The following GOLGA8A variants were observed in gnomAD, a reference collection of about 807,000 sequenced individuals.
GOLGA8A encodes the protein golgin A8 family member A, also known as golgin subfamily A member 8A.
In GOLGA8A, 3 loss-of-function variants were observed where a neutral mutation model predicts 22.1. The ratio of observed to expected loss-of-function variants is 0.14; its 90% CI spans 0.06 to 0.35. GOLGA8A has a LOEUF of 0.35. Ranked by LOEUF, GOLGA8A falls within the 10% of genes least tolerant of loss-of-function variation. GOLGA8A has a pLI of 1.00. For missense variants in GOLGA8A, 16 were observed against 233.2 expected (o/e 0.07, Z 6.07); for synonymous variants, 7 against 91.7 (o/e 0.08, Z 5.28).
intron 2 of GOLGA8A, among the ~76,000 whole-genome samples, chr15:34,424,043 C>T (rs1417954175): frequency 6.8e-6 from 1 of 148,104 alleles, no homozygotes; most frequent in Non-Finnish European, 1.5e-5. Flanking sequence ...TGAGGCCAAG[C>T]AGCAGAGAAA....
rs1455390981 is a variant in GOLGA8A, at chr15:34,379,746, A to T, written c.*1665T>A. 1.3e-5 allele frequency: 2 copies of T among 152,644 alleles called. No homozygotes were observed. The highest frequency in any genetic ancestry group is 4.8e-5 in the African/African-American group (2 of 41,466). The allele number at this position is 152,644 out of a possible 1,614,324, so 9.5% of individuals were successfully genotyped here. On this transcript the variant is annotated 3_prime_UTR_variant, in exon 25 of 25. Coordinates refer to ENST00000359187, the MANE Select transcript of GOLGA8A (RefSeq NM_181077.5). ...ACCTAATAATGTGATGTGTTTTGGA[A>T]CACAGACATTAGAACTTCATGAAGT...
rs962860700 is a variant in GOLGA8A, at chr15:34,435,071, A to G, written c.-1123+312T>C. The stretch of plus-strand genomic sequence containing the variant: ...AGTAAAGGTTTCTCCAAGACTTCAG[A>G]CGACGGTGTCACCTGAGGCCCTCAC... On this transcript the variant is annotated intron_variant, in intron 2 of 24. Coordinates refer to ENST00000359187, the MANE Select transcript of GOLGA8A (RefSeq NM_181077.5). Among the ~76,000 whole-genome samples, 10 of 149,454 alleles carry G rather than the reference A, an allele frequency of 6.7e-5. 2 individuals carry two copies. The highest frequency in any genetic ancestry group is 6.1e-4 in the Admixed American group (9 of 14,822).
At chr15:34,400,602 TCCTA>T (rs1459941790) in intron 6 of GOLGA8A, 106 bp downstream of exon 6, 2 of 137,334 alleles carry the variant, frequency 1.5e-5, no homozygotes, top group African/African-American at 5.1e-5. Context: ...GAAGATACCT[TCCTA>T]GTTTTTTTGT....
At position 34,434,640 on chromosome 15, in the gene GOLGA8A, A is replaced by T. The variant is rs1297141530; in HGVS notation, c.-1123+743T>A. Among the ~76,000 whole-genome samples the T allele has an allele frequency of 2.7e-5, 4 of 149,028 alleles. 1 individual carries two copies. Among genetic ancestry groups the T allele is most frequent in the African/African-American group, 5.0e-5 (2 of 40,378 alleles). On this transcript the variant is annotated intron_variant, in intron 2 of 24. Transcript: ENST00000359187. ...CTCTGGGAAAGGAAGGAGCCAGAGA[A>T]GTCTCCCTGTGGGCGCTCGGGCCAA...
At position 34,429,639 on chromosome 15, in the gene GOLGA8A, C is replaced by T. The variant is rs1352962236; in HGVS notation, c.-1123+5744G>A. On this transcript the variant is annotated intron_variant, in intron 2 of 24. Transcript: ENST00000359187. Reference sequence around the variant, plus strand: ...CATTCTCCAGCAACCCCTTCCATGCCCTTCCTCCTGATCCCACCCAGCTCT... The same window carrying T: ...CATTCTCCAGCAACCCCTTCCATGCTCTTCCTCCTGATCCCACCCAGCTCT... Among the ~76,000 whole-genome samples the T allele has an allele frequency of 4.0e-5, 6 of 148,720 alleles. 1 individual carries two copies. The highest frequency in any genetic ancestry group is 1.5e-4 in the African/African-American group (6 of 40,320).
rs549720050 is a variant in GOLGA8A at position 34,426,727 on chromosome 15, C to T, written c.-1123+8656G>A. Among the ~76,000 whole-genome samples, 289 of 143,698 alleles carry T rather than the reference C, an allele frequency of 2.0e-3. 30 individuals are homozygous for T. The highest frequency in any genetic ancestry group is 3.5e-3 in the Non-Finnish European group (227 of 65,402). The allele number at this position is 143,698 out of a possible 152,430, so 94.3% of individuals were successfully genotyped here. A position where few individuals can be genotyped will look rare whatever the true frequency, so the allele number is the denominator to read the frequency against. On this transcript the variant is annotated intron_variant, in intron 2 of 24. Transcript: ENST00000359187. ...CTTCTCCAGAGATACAAGATAATTG[C>T]GAGAAGGCAAAATTTTTTTAAAACA...
chr15:34,429,460 T>C (rs1333421913), intron 2 of GOLGA8A, among the ~76,000 whole-genome samples: 2 of 146,636 alleles, frequency 1.4e-5, no homozygotes, highest in Non-Finnish European at 3.0e-5. Context: ...AGGGCTCTTC[T>C]GGCCTGGGCT....
At chr15:34,427,660 AT>A in intron 2 of GOLGA8A, among the ~76,000 whole-genome samples, 1 of 145,070 alleles carries the variant, frequency 6.9e-6, no homozygotes, top group East Asian at 2.1e-4. Context: ...CCTGCCAGCC[AT>A]CGGACTCCCA....
intron 8 of GOLGA8A, among the ~76,000 whole-genome samples, chr15:34,397,677 TAAC>T (rs1274835395): frequency 4.6e-5 from 6 of 131,724 alleles, no homozygotes; most frequent in African/African-American, 5.3e-5. Flanking sequence ...TGGGGACAAC[TAAC>T]AAGAGACCCC....
chr15:34,405,646 A>C (rs1260576244), intron 4 of GOLGA8A, among the ~76,000 whole-genome samples: 2 of 141,156 alleles, frequency 1.4e-5, no homozygotes, highest in Non-Finnish European at 3.2e-5. Flanking sequence ...GTGTTCCCAC[A>C]GTTAGGTGGG....
At chr15:34,430,528 T>G (rs1472358073) in intron 2 of GOLGA8A, among the ~76,000 whole-genome samples, 2 of 148,622 alleles carry the variant, frequency 1.3e-5, no homozygotes, top group Non-Finnish European at 3.0e-5. Context: ...TCAGGCCAGG[T>G]GGGAAGTGCA....
chr15:34,398,938 C>G (rs1321504425), intron 7 of GOLGA8A, among the ~76,000 whole-genome samples: 1 of 133,888 alleles, frequency 7.5e-6, no homozygotes, highest in Non-Finnish European at 1.7e-5. Context: ...CAAATTAGAA[C>G]CTTAAATAAA....
At chr15:34,435,073 G>C (rs551888366) in intron 2 of GOLGA8A, among the ~76,000 whole-genome samples, 2 of 149,448 alleles carry the variant, frequency 1.3e-5, no homozygotes, top group African/African-American at 2.5e-5. Flanking sequence ...GACTTCAGAC[G>C]ACGGTGTCAC....
chr15:34,383,739 ATC>A lies in GOLGA8A; in HGVS notation c.762+5_762+6del. 1.6e-5 allele frequency: 3 copies of A among 183,640 alleles called. No individual in the cohort carries two copies. Among genetic ancestry groups the A allele is most frequent in the South Asian group, 8.6e-5 (3 of 34,760 alleles). 11.4% of individuals were successfully genotyped at this position (183,640 alleles called of 1,614,324 possible). On this transcript the variant is annotated splice_donor_5th_base_variant and intron_variant, in intron 18 of 24. Coordinates refer to ENST00000359187, the MANE Select transcript of GOLGA8A (RefSeq NM_181077.5). ...GTGGGGCGGGAGGCTGAAGGGTCAG[ATC>A]TCACCTCCTGCGACATTTTCCTCAT...
chr15:34,436,869 TC>T (rs1814554212), intron 1 of GOLGA8A, among the ~76,000 whole-genome samples: 1 of 149,678 alleles, frequency 6.7e-6, no homozygotes, highest in Non-Finnish European at 1.5e-5. Context: ...TTTGAGTTTT[TC>T]CCTCTGGGCC....
chr15:34,432,327 G>T (rs1008159911), intron 2 of GOLGA8A, among the ~76,000 whole-genome samples: 1 of 148,454 alleles, frequency 6.7e-6, no homozygotes, highest in Non-Finnish European at 1.5e-5. Context: ...TCCTAGTCAT[G>T]CCCACCCTGT....
At chr15:34,434,752 T>C (rs1250764352) in intron 2 of GOLGA8A, among the ~76,000 whole-genome samples, 1 of 149,180 alleles carries the variant, frequency 6.7e-6, no homozygotes, top group Non-Finnish European at 1.5e-5. Context: ...AAACCTGACC[T>C]ACATCTGGGA....
chr15:34,421,174 C>T (rs1892782571), intron 2 of GOLGA8A, among the ~76,000 whole-genome samples: 1 of 143,308 alleles, frequency 7.0e-6, no homozygotes, highest in African/African-American at 2.6e-5. Context: ...GCCTGTCTGA[C>T]ATTTGCTCTG....
chr15:34,437,169 A>C (rs1176822128), intron 1 of GOLGA8A, among the ~76,000 whole-genome samples: 2 of 145,798 alleles, frequency 1.4e-5, no homozygotes, highest in East Asian at 2.1e-4. Context: ...CCGCCCGCCC[A>C]TCGTGGGAGG....
Sources: allele counts gnomAD v4.1 joint callset (sites outside exome capture counted in the v4.1 genomes callset), GRCh38; gene constraint gnomAD v4.1.1; transcripts MANE v1.5; gene names NCBI Gene and HGNC (gene_info 2026-07-23, HGNC 2026-07-21).